The following PTPRN2 variants were observed in gnomAD, a reference collection of about 807,000 sequenced individuals.
PTPRN2 encodes receptor-type tyrosine-protein phosphatase N2.
In PTPRN2, 74 loss-of-function variants were observed where a neutral mutation model predicts 118.8. The ratio of observed to expected loss-of-function variants is 0.62; its 90% CI spans 0.52 to 0.76. The LOEUF (loss-of-function observed/expected upper bound fraction) is 0.76. Among genes scored for constraint, PTPRN2 ranks in the 30% least tolerant of loss-of-function variants. The probability of loss-of-function intolerance (pLI) is 0.00; values close to 1 mark genes in which losing one functional copy is unlikely to be tolerated. For synonymous variants in PTPRN2, 641 were observed against 608.0 expected (o/e 1.05, Z -0.80); for missense variants, 1,481 against 1,394.4 (o/e 1.06, Z -0.99).
At chr7:158,319,976 C>T (rs1488123270) in intron 2 of PTPRN2, among the ~76,000 whole-genome samples, 3 of 90,598 alleles carry the variant, frequency 3.3e-5, no homozygotes, top group East Asian at 3.5e-4. Context: ...GCCTCCCTCA[C>T]ACACACACAG....
chr7:157,936,105 C>T (rs760051074), intron 11 of PTPRN2, among the ~76,000 whole-genome samples: 2 of 152,214 alleles, frequency 1.3e-5, no homozygotes, highest in African/African-American at 2.4e-5. Flanking sequence ...GTGAACCGAT[C>T]GTAGGTGTAT....
intron 12 of PTPRN2, among the ~76,000 whole-genome samples, chr7:157,753,494 G>T (rs898964495): frequency 1.3e-5 from 2 of 152,118 alleles, no homozygotes; most frequent in South Asian, 2.1e-4. Context: ...TTCTCCTCCC[G>T]TCTGGGCCTC....
intron 2 of PTPRN2, among the ~76,000 whole-genome samples, chr7:158,440,673 A>G (rs1174016108): frequency 7.3e-6 from 1 of 136,258 alleles, no homozygotes; most frequent in African/African-American, 2.8e-5. Flanking sequence ...TGATAGTGAC[A>G]GGGTGGTGGT....
intron 3 of PTPRN2, among the ~76,000 whole-genome samples, chr7:158,285,660 A>G (rs923611110): frequency 6.6e-6 from 1 of 152,206 alleles, no homozygotes; most frequent in African/African-American, 2.4e-5. Context: ...CTGCTGTAAG[A>G]GGCCAGGTGT....
intron 2 of PTPRN2, among the ~76,000 whole-genome samples, chr7:158,440,964 G>C (rs1335634251): frequency 6.7e-6 from 1 of 149,372 alleles, no homozygotes; most frequent in Non-Finnish European, 1.5e-5. Flanking sequence ...TGGGGTAGTA[G>C]TGGTGTTGGT....
At chr7:158,459,037 G>A (rs539806786) in intron 2 of PTPRN2, among the ~76,000 whole-genome samples, 18 of 152,172 alleles carry the variant, frequency 1.2e-4, no homozygotes, top group Non-Finnish European at 2.4e-4. Context: ...AGGGTGCCGC[G>A]GCCATCACAG....
intron 11 of PTPRN2, among the ~76,000 whole-genome samples, chr7:158,025,241 G>T (rs1009768767): frequency 2.0e-5 from 3 of 152,174 alleles, no homozygotes; most frequent in Non-Finnish European, 4.4e-5. Context: ...AACTAGATTG[G>T]CAGGTAAAGC....
At chr7:158,116,106 C>T (rs1053648097) in intron 9 of PTPRN2, among the ~76,000 whole-genome samples, 1 of 152,218 alleles carries the variant, frequency 6.6e-6, no homozygotes, top group African/African-American at 2.4e-5. Context: ...CACATGGACA[C>T]AAGTACTCAT....
chr7:157,668,986 C>T (rs1040467672), intron 13 of PTPRN2, among the ~76,000 whole-genome samples: 1 of 152,232 alleles, frequency 6.6e-6, no homozygotes, highest in Admixed American at 6.5e-5. Context: ...CAGAAGGAAC[C>T]GCCTCACATG....
chr7:157,682,898 C>T lies in PTPRN2; in HGVS notation c.1828G>A (p.Glu610Lys). 6.2e-7 allele frequency: 1 copy of T among 1,613,986 alleles called. No individual in the cohort carries two copies. The highest frequency in any genetic ancestry group is 8.5e-7 in the Non-Finnish European group (1 of 1,179,944). ...AGCGCGATGAACTTGGTGGAGTCTT[C>T]TTGCTCCGCCTGAGGAGGCAGGAAC... ...LKFLPPQAEQ[E>K]DSTKFIALTL... The change falls in exon 13 of 23, where the codon GAA becomes AAA. Residue 610 changes from glutamate (E) to lysine (K), a missense_variant. By Grantham distance (56) the Glu-to-Lys change is moderately conservative. Transcript: ENST00000389418.
intron 2 of PTPRN2, among the ~76,000 whole-genome samples, chr7:158,386,351 C>T (rs1811369404): frequency 6.9e-6 from 1 of 145,866 alleles, no homozygotes; most frequent in African/African-American, 2.6e-5. Context: ...ACCCCTCCTC[C>T]CTCCTCCCGT....
chr7:158,329,958 C>T (rs929815492), intron 2 of PTPRN2, among the ~76,000 whole-genome samples: 1 of 152,112 alleles, frequency 6.6e-6, no homozygotes, highest in Non-Finnish European at 1.5e-5. Context: ...ATCCTCAGGT[C>T]TTGTATGGCG....
chr7:157,711,911 T>A, intron 12 of PTPRN2, among the ~76,000 whole-genome samples: 1 of 118,338 alleles, frequency 8.5e-6, no homozygotes, highest in Non-Finnish European at 1.9e-5. Flanking sequence ...CTCCAGTGTC[T>A]GGGGGGCCAT....
chr7:158,315,628 C>T (rs866010897), intron 3 of PTPRN2, among the ~76,000 whole-genome samples: 11 of 152,242 alleles, frequency 7.2e-5, no homozygotes, highest in Admixed American at 4.6e-4. Context: ...GTGATTCCGC[C>T]TGGAAGGAGA....
At chr7:158,170,358 C>T (rs901727355) in intron 5 of PTPRN2, among the ~76,000 whole-genome samples, 1 of 152,288 alleles carries the variant, frequency 6.6e-6, no homozygotes, top group Admixed American at 6.5e-5. Flanking sequence ...CCCCTCATTG[C>T]TATGAATGCA....
chr7:157,851,193 C>T (rs1446093152), intron 12 of PTPRN2, among the ~76,000 whole-genome samples: 2 of 152,204 alleles, frequency 1.3e-5, no homozygotes, highest in Admixed American at 1.3e-4. Flanking sequence ...TTTTATCAGT[C>T]CCTTAACGAG....
chr7:158,289,337 A>G (rs1292704066), intron 3 of PTPRN2, among the ~76,000 whole-genome samples: 1 of 152,122 alleles, frequency 6.6e-6, no homozygotes, highest in Non-Finnish European at 1.5e-5. Flanking sequence ...CACAAATCCC[A>G]TAAGCTTTCT....
intron 3 of PTPRN2, among the ~76,000 whole-genome samples, chr7:158,303,026 T>C (rs1327921352): frequency 6.6e-6 from 1 of 152,198 alleles, no homozygotes; most frequent in African/African-American, 2.4e-5. Context: ...CTTAGCACTT[T>C]TTTATGTTTT....
At chr7:157,657,093 CGCCACACACACACA>C in intron 13 of PTPRN2, among the ~76,000 whole-genome samples, 1 of 91,042 alleles carries the variant, frequency 1.1e-5, no homozygotes, top group African/African-American at 4.4e-5. Flanking sequence ...CACACACATA[CGCCACACACACACA>C]CCACACACAT....
Sources: gnomAD v4.1 joint callset for allele counts (sites outside exome capture counted in the v4.1 genomes callset) on GRCh38, gnomAD v4.1.1 for gene constraint, MANE v1.5 for transcripts, NCBI Gene and HGNC (gene_info 2026-07-23, HGNC 2026-07-21) for gene names.